CD96: variants seen among roughly 807,000 people sequenced by gnomAD.
CD96 encodes the protein CD96 molecule.
CD96 carries 70 observed loss-of-function variants against 71.3 expected under a neutral mutation model. The ratio of observed to expected loss-of-function variants is 0.98; its 90% CI spans 0.81 to 1.20. CD96 has a LOEUF of 1.20. Among genes scored for constraint, CD96 ranks in the 50% most tolerant of loss-of-function variants. The pLI, the probability that CD96 is intolerant of heterozygous loss-of-function variation, is 0.00. For missense variants in CD96, 742 were observed against 677.5 expected (o/e 1.10, Z -1.06); for synonymous variants, 248 against 233.0 (o/e 1.06, Z -0.59).
At chr3:111,637,480 A>C (rs1939385367) in intron 11 of CD96, among the ~76,000 whole-genome samples, 1 of 152,252 alleles carries the variant, frequency 6.6e-6, no homozygotes, top group Non-Finnish European at 1.5e-5. Flanking sequence ...ATTTCCAAAA[A>C]AATCTACACA....
intron 8 of CD96, among the ~76,000 whole-genome samples, chr3:111,618,772 C>T (rs1333415591): frequency 6.6e-6 from 1 of 151,724 alleles, no homozygotes; most frequent in African/African-American, 2.4e-5. Context: ...GGGGTTTCAC[C>T]GTGTTAGCCA....
At chr3:111,588,387 C>T (rs1014589880) in intron 5 of CD96, among the ~76,000 whole-genome samples, 1 of 152,302 alleles carries the variant, frequency 6.6e-6, no homozygotes, top group Admixed American at 6.5e-5. Context: ...CGGCCTGGAC[C>T]TTATTGTTCA....
intron 10 of CD96, among the ~76,000 whole-genome samples, chr3:111,625,285 G>T (rs749335714): frequency 6.6e-6 from 1 of 152,136 alleles, no homozygotes; most frequent in East Asian, 1.9e-4. Context: ...CAGGCTCACA[G>T]ATTTGAATTA....
At chr3:111,643,856 C>A (rs765155552) in intron 12 of CD96, among the ~76,000 whole-genome samples, 23 of 151,144 alleles carry the variant, frequency 1.5e-4, no homozygotes, top group Non-Finnish European at 2.9e-4. Flanking sequence ...CAAATGGAAA[C>A]ACATCCCATG....
chr3:111,600,123 A>G (rs569359753), intron 6 of CD96, among the ~76,000 whole-genome samples: 2 of 152,342 alleles, frequency 1.3e-5, no homozygotes, highest in African/African-American at 2.4e-5. Context: ...AGATTACAAT[A>G]TGCAGCATAT....
At chr3:111,655,707 G>T (rs887316336), downstream of CD96, among the ~76,000 whole-genome samples, 1 of 151,876 alleles carries the variant, frequency 6.6e-6, no homozygotes, top group Admixed American at 6.6e-5. Context: ...AAAAGGATAG[G>T]AATAATCTCC....
At chr3:111,581,925 A>C (rs563535405) in intron 4 of CD96, among the ~76,000 whole-genome samples, 31 of 152,314 alleles carry the variant, frequency 2.0e-4, no homozygotes, top group African/African-American at 7.5e-4. Flanking sequence ...AAAGTGAGTC[A>C]GGGAAGGGAA....
intron 2 of CD96, among the ~76,000 whole-genome samples, chr3:111,567,224 C>A (rs545424183): frequency 3.3e-4 from 50 of 152,100 alleles, no homozygotes; most frequent in Non-Finnish European, 4.9e-4. Flanking sequence ...GGAAATGGAA[C>A]CTGAAGATTA....
At chr3:111,589,189 A>T (rs1167355486) in intron 5 of CD96, among the ~76,000 whole-genome samples, 1 of 151,786 alleles carries the variant, frequency 6.6e-6, no homozygotes, top group Non-Finnish European at 1.5e-5. Context: ...TGACCTCGTG[A>T]TCCGCCCGCC....
rs752192313 is a variant in CD96, at chr3:111,650,078, A to T, written c.*272A>T. 2.3e-6 allele frequency: 1 copy of T among 433,870 alleles called. No individual in the cohort carries two copies. Among genetic ancestry groups the T allele is most frequent in the Non-Finnish European group, 4.3e-6 (1 of 232,714 alleles). 26.9% of individuals were successfully genotyped at this position (433,870 alleles called of 1,614,324 possible). On this transcript the variant is annotated 3_prime_UTR_variant, in exon 14 of 14. Transcript: ENST00000352690. Reference sequence around the variant, plus strand: ...TGTAAGAAGTACATATTAGTCTGCCATCTTTAAAAAAAAATACAGTATTTT... The same window carrying T: ...TGTAAGAAGTACATATTAGTCTGCCTTCTTTAAAAAAAAATACAGTATTTT...
intron 14 of CD96, among the ~76,000 whole-genome samples, chr3:111,663,026 C>T (rs541361196): frequency 2.0e-5 from 3 of 152,132 alleles, no homozygotes; most frequent in Non-Finnish European, 2.9e-5. Flanking sequence ...TTAACTGACT[C>T]GCAATTCCAC....
At chr3:111,587,955 C>T (rs1036785493) in intron 5 of CD96, among the ~76,000 whole-genome samples, 7 of 152,206 alleles carry the variant, frequency 4.6e-5, no homozygotes, top group Admixed American at 2.6e-4. Context: ...AACCTCTGGG[C>T]CTCTGAAGGA....
At chr3:111,608,988 C>A (rs1937767716) in intron 8 of CD96, among the ~76,000 whole-genome samples, 2 of 152,192 alleles carry the variant, frequency 1.3e-5, no homozygotes, top group South Asian at 4.1e-4. Context: ...AGGTACAAAC[C>A]AGTAAGTATT....
chr3:111,577,628 A>G, intron 3 of CD96: 2 of 917,412 alleles, frequency 2.2e-6, no homozygotes, highest in Admixed American at 1.7e-5. Flanking sequence ...ATCTGTATGT[A>G]AGACTGACAC....
chr3:111,585,439 A>T, intron 5 of CD96, 61 bp downstream of exon 5: 1 of 1,088,972 alleles, frequency 9.2e-7, no homozygotes, highest in Admixed American at 1.7e-5. Flanking sequence ...GTCAGGTTGC[A>T]TAGTTGCCAG....
intron 5 of CD96, chr3:111,593,868 T>C: frequency 1.9e-6 from 3 of 1,613,784 alleles, no homozygotes; most frequent in Non-Finnish European, 2.5e-6. Context: ...TGGCCACTCT[T>C]CTCCAGCTCC....
At chr3:111,656,481 A>G (rs538921630), downstream of CD96, among the ~76,000 whole-genome samples, 49 of 152,358 alleles carry the variant, frequency 3.2e-4, no homozygotes, top group Non-Finnish European at 5.1e-4. Context: ...TAATTTATTC[A>G]TTGACATTGT....
At chr3:111,647,853 G>T (rs887519341) in intron 13 of CD96, among the ~76,000 whole-genome samples, 187 bp downstream of exon 13, 8 of 152,124 alleles carry the variant, frequency 5.3e-5, no homozygotes, top group African/African-American at 1.9e-4. Flanking sequence ...CACAACTCCT[G>T]ACTCAGTATC....
At chr3:111,561,496 G>A (rs1239499483) in intron 2 of CD96, among the ~76,000 whole-genome samples, 116 of 147,092 alleles carry the variant, frequency 7.9e-4, no homozygotes, top group Admixed American at 1.7e-3. Context: ...CCCCTGCTGC[G>A]GGGTGCCTCC....
Sources: allele counts gnomAD v4.1 joint callset (sites outside exome capture counted in the v4.1 genomes callset), GRCh38; gene constraint gnomAD v4.1.1; transcripts MANE v1.5; gene names NCBI Gene and HGNC (gene_info 2026-07-23, HGNC 2026-07-21).